The following NBEA variants were observed in gnomAD, a reference collection of about 807,000 sequenced individuals.
The protein encoded by NBEA is neurobeachin.
In NBEA, 44 loss-of-function variants were observed where a neutral mutation model predicts 343.4. That is an observed-to-expected ratio of 0.13 (90% CI 0.10 to 0.16). The LOEUF (loss-of-function observed/expected upper bound fraction) is 0.16, where lower values mean the gene tolerates loss of function less well. NBEA is among the 10% of genes least tolerant of loss of function. The pLI is 1.00. For synonymous variants in NBEA, 1,175 were observed against 1,238.7 expected (o/e 0.95, Z 1.08); for missense variants, 2,555 against 3,631.3 (o/e 0.70, Z 7.62).
chr13:35,131,774 G>A (rs541054415), intron 17 of NBEA, among the ~76,000 whole-genome samples: 85 of 152,288 alleles, frequency 5.6e-4, no homozygotes, highest in African/African-American at 1.9e-3. Context: ...GAGTTGGGGT[G>A]TAAAATATAA....
chr13:35,214,256 T>C (rs1267307180), intron 33 of NBEA, among the ~76,000 whole-genome samples: 3 of 151,970 alleles, frequency 2.0e-5, no homozygotes, highest in Non-Finnish European at 4.4e-5. Context: ...TTCTTATGGC[T>C]GAACACTAGG....
At chr13:35,217,638 G>C (rs1406941062) in intron 33 of NBEA, among the ~76,000 whole-genome samples, 3 of 152,040 alleles carry the variant, frequency 2.0e-5, no homozygotes, top group Non-Finnish European at 4.4e-5. Context: ...CCTTGCCCAT[G>C]AGGCATGTTT....
intron 38 of NBEA, among the ~76,000 whole-genome samples, chr13:35,422,550 G>T (rs2044362057): frequency 6.6e-6 from 1 of 152,004 alleles, no homozygotes; most frequent in South Asian, 2.1e-4. Flanking sequence ...GTCTATCGTT[G>T]TTGGACATTT....
chr13:35,085,881 G>A (rs549235041), intron 10 of NBEA, among the ~76,000 whole-genome samples: 15 of 152,064 alleles, frequency 9.9e-5, no homozygotes, highest in Admixed American at 6.6e-4. Context: ...CAACTTCAGC[G>A]AAGTCTCAGG....
At chr13:35,161,070 C>A (rs2069521466) in intron 22 of NBEA, among the ~76,000 whole-genome samples, 1 of 152,030 alleles carries the variant, frequency 6.6e-6, no homozygotes, top group South Asian at 2.1e-4. Flanking sequence ...CTCTAACTGC[C>A]AATTTCCATT....
At chr13:35,016,729 C>T (rs370870155) in intron 1 of NBEA, among the ~76,000 whole-genome samples, 5 of 151,970 alleles carry the variant, frequency 3.3e-5, no homozygotes, top group South Asian at 4.1e-4. Context: ...TGGAGACATA[C>T]GGTATTTTAG....
chr13:35,667,396 C>G lies in NBEA; in HGVS notation c.8487C>G (p.Thr2829=). ...CAGAGGGCCCTTGCCTTGTCCACAC[C>G]ATCACTGGAGATTTGCTGAGAGCCC... ...GAKEGPCLVH[T]ITGDLLRALE... Residue 2829 remains threonine (T), a synonymous_variant, in exon 57 of 59, where the codon ACC becomes ACG. Transcript: ENST00000379939. 6.2e-7 allele frequency: 1 copy of G among 1,613,930 alleles called. No individual in the cohort carries two copies. The highest frequency in any genetic ancestry group is 8.5e-7 in the Non-Finnish European group (1 of 1,179,866).
chr13:35,458,375 T>C (rs1387955350), intron 40 of NBEA, among the ~76,000 whole-genome samples: 1 of 152,234 alleles, frequency 6.6e-6, no homozygotes, highest in Non-Finnish European at 1.5e-5. Context: ...AGCATTCATA[T>C]ACTGTGTAGC....
At chr13:35,638,011 T>G (rs1171773079) in intron 49 of NBEA, among the ~76,000 whole-genome samples, 9 of 152,190 alleles carry the variant, frequency 5.9e-5, no homozygotes, top group Non-Finnish European at 4.4e-5. Flanking sequence ...AACAAGCCAG[T>G]CACAAAAAGA....
chr13:35,521,390 T>A (rs1041052634), intron 41 of NBEA, among the ~76,000 whole-genome samples: 1 of 152,206 alleles, frequency 6.6e-6, no homozygotes, highest in African/African-American at 2.4e-5. Flanking sequence ...AGGAATCATT[T>A]GGTTGCAAGA....
chr13:35,615,474 G>A (rs2082699793), intron 48 of NBEA, among the ~76,000 whole-genome samples: 1 of 152,048 alleles, frequency 6.6e-6, no homozygotes, highest in Non-Finnish European at 1.5e-5. Flanking sequence ...CTTCCGAGTA[G>A]CTGGGATTAT....
intron 1 of NBEA, among the ~76,000 whole-genome samples, chr13:34,986,224 G>C (rs891634235): frequency 2.0e-5 from 3 of 150,524 alleles, no homozygotes; most frequent in African/African-American, 7.3e-5. Context: ...CTGAGATTTT[G>C]GTACATTGTG....
intron 1 of NBEA, among the ~76,000 whole-genome samples, chr13:34,968,743 A>G (rs1373616853): frequency 6.6e-6 from 1 of 152,142 alleles, no homozygotes; most frequent in Non-Finnish European, 1.5e-5. Flanking sequence ...CTTTTTGCTG[A>G]TATGATACTA....
chr13:35,027,693 A>G (rs1451413464), intron 1 of NBEA, among the ~76,000 whole-genome samples: 4 of 152,000 alleles, frequency 2.6e-5, no homozygotes, highest in Non-Finnish European at 4.4e-5. Context: ...ATGAAGTCCA[A>G]TTTATTAATG....
chr13:35,505,916 A>G (rs1373422323), intron 41 of NBEA, among the ~76,000 whole-genome samples: 1 of 152,188 alleles, frequency 6.6e-6, no homozygotes, highest in Non-Finnish European at 1.5e-5. Context: ...TGCATATAAA[A>G]ACACCATTTA....
intron 1 of NBEA, among the ~76,000 whole-genome samples, chr13:35,009,247 G>A (rs933105374): frequency 2.6e-5 from 4 of 152,142 alleles, no homozygotes; most frequent in African/African-American, 9.7e-5. Flanking sequence ...TCTCCCACAG[G>A]TTACATTTTA....
chr13:35,508,238 G>A (rs1461631121), intron 41 of NBEA, among the ~76,000 whole-genome samples: 2 of 152,040 alleles, frequency 1.3e-5, no homozygotes, highest in Non-Finnish European at 2.9e-5. Context: ...ATACACTCAA[G>A]GATTTGAAAA....
chr13:35,086,339 A>G (rs535731181), intron 10 of NBEA, among the ~76,000 whole-genome samples: 2 of 152,004 alleles, frequency 1.3e-5, no homozygotes, highest in Non-Finnish European at 2.9e-5. Flanking sequence ...TGTGCCCTAC[A>G]TTGTTGCAAA....
chr13:35,034,670 T>A (rs1174629865), intron 1 of NBEA, among the ~76,000 whole-genome samples: 1 of 151,664 alleles, frequency 6.6e-6, no homozygotes, highest in African/African-American at 2.4e-5. Context: ...GAAGTGCTTT[T>A]CTTTACTGGG....
Sources: allele counts gnomAD v4.1 joint callset (sites outside exome capture counted in the v4.1 genomes callset), GRCh38; gene constraint gnomAD v4.1.1; transcripts MANE v1.5; gene names NCBI Gene and HGNC (gene_info 2026-07-23, HGNC 2026-07-21).